The following CDH6 variants were observed in gnomAD, a reference collection of about 807,000 sequenced individuals.
CDH6 encodes cadherin-6.
A neutral mutation model predicts 78.0 loss-of-function variants in CDH6; 31 were observed. The ratio of observed to expected loss-of-function variants is 0.40; its 90% CI spans 0.30 to 0.54. CDH6 has a LOEUF of 0.54. CDH6 is among the 20% of genes least tolerant of loss of function. The pLI is 0.56. For synonymous variants in CDH6, 376 were observed against 368.8 expected (o/e 1.02, Z -0.23); for missense variants, 724 against 975.9 (o/e 0.74, Z 3.44).
intron 7 of CDH6, among the ~76,000 whole-genome samples, chr5:31,311,761 A>G (rs1036693938): frequency 3.3e-5 from 5 of 152,192 alleles, no homozygotes; most frequent in African/African-American, 1.2e-4. Flanking sequence ...GAATTCACTC[A>G]CTATCACAAG....
At chr5:31,226,172 C>T (rs73089327) in intron 1 of CDH6, among the ~76,000 whole-genome samples, 104 of 152,064 alleles carry the variant, frequency 6.8e-4, no homozygotes, top group African/African-American at 2.4e-3. Flanking sequence ...ACACAGAGTA[C>T]GTATGTATGT....
At chr5:31,306,496 A>G (rs1561068275) in intron 7 of CDH6, among the ~76,000 whole-genome samples, 1 of 152,168 alleles carries the variant, frequency 6.6e-6, no homozygotes, top group Non-Finnish European at 1.5e-5. Context: ...CTAGCTGGGC[A>G]CGGTGGCTCA....
intron 2 of CDH6, among the ~76,000 whole-genome samples, chr5:31,284,532 C>A (rs1241865718): frequency 2.0e-5 from 3 of 152,208 alleles, no homozygotes; most frequent in South Asian, 2.1e-4. Context: ...TTCCCATGAG[C>A]CTTCCTGGGC....
intron 1 of CDH6, among the ~76,000 whole-genome samples, chr5:31,232,950 A>G (rs2040788783): frequency 1.3e-5 from 2 of 152,192 alleles, no homozygotes; most frequent in South Asian, 4.1e-4. Flanking sequence ...TGAGTCACAG[A>G]GAAGTTAAAT....
intron 5 of CDH6, 70 bp from the exon 6 acceptor site, chr5:31,302,041 G>A (rs544152498): frequency 3.0e-6 from 3 of 1,016,174 alleles, no homozygotes; most frequent in Middle Eastern, 2.2e-4. Context: ...TTAGAGAATA[G>A]GTTTTGTTTT....
chr5:31,237,451 A>G (rs1025124678), intron 1 of CDH6, among the ~76,000 whole-genome samples: 7 of 152,162 alleles, frequency 4.6e-5, no homozygotes, highest in African/African-American at 1.4e-4. Flanking sequence ...TGTTGCTCAC[A>G]TCAGGGTCAA....
At chr5:31,268,691 A>G (rs1289794259) in intron 2 of CDH6, among the ~76,000 whole-genome samples, 1 of 152,234 alleles carries the variant, frequency 6.6e-6, no homozygotes, top group Non-Finnish European at 1.5e-5. Context: ...CTATGATTTT[A>G]AGACATCTAT....
In CDH6 at chr5:31,323,137, C is replaced by T. The variant is rs771630423; in HGVS notation, c.2202C>T (p.Ser734=). Residue 734 remains serine (S), a synonymous_variant, in exon 12 of 12, where the codon TCC becomes TCT. Coordinates refer to ENST00000265071, the MANE Select transcript of CDH6 (RefSeq NM_004932.4). ...ACCCCACTGCCCCGCCATACGACTC[C>T]TTGGCCACTTACGCCTATGAAGGCA... ...DTDPTAPPYD[S]LATYAYEGTG... The T allele has an allele frequency of 3.1e-6, 5 of 1,614,212 alleles. No individual in the cohort carries two copies. The highest frequency in any genetic ancestry group is 1.6e-4 in the Middle Eastern group (1 of 6,062).
At chr5:31,263,441 CTTTTTT>C (rs35835971) in intron 1 of CDH6, among the ~76,000 whole-genome samples, 3 of 103,684 alleles carry the variant, frequency 2.9e-5, no homozygotes, top group African/African-American at 3.7e-5. Context: ...TTTTTGGGGT[CTTTTTT>C]TTTTTTTTTT....
intron 2 of CDH6, among the ~76,000 whole-genome samples, chr5:31,274,003 G>C (rs1742610349): frequency 6.6e-6 from 1 of 152,098 alleles, no homozygotes; most frequent in African/African-American, 2.4e-5. Flanking sequence ...CCCTGAATCA[G>C]GGCAAGTGCC....
rs764989718 is a variant in CDH6, at chr5:31,299,957, A to C, written c.811+326A>C. ...ATACAAGCATGCTGCAATTTGTTGG[A>C]AAAAATTTGACTTTATGTTTTGTGA... On this transcript the variant is annotated intron_variant, in intron 5 of 11. Transcript: ENST00000265071. 3.5e-4 allele frequency among the ~76,000 whole-genome samples: 53 copies of C among 152,378 alleles called. 1 individual carries two copies. Among genetic ancestry groups the C allele is most frequent in the Middle Eastern group, 3.4e-3 (1 of 294 alleles).
At chr5:31,235,851 T>C (rs1240980796) in intron 1 of CDH6, among the ~76,000 whole-genome samples, 3 of 152,200 alleles carry the variant, frequency 2.0e-5, no homozygotes, top group African/African-American at 7.2e-5. Context: ...TATTATAAAA[T>C]AATTGTTTTA....
In CDH6 at chr5:31,294,612, A is replaced by T. The variant is rs1010968467; in HGVS notation, c.523+356A>T. ...CTATGTGGGTGTTAGGGTCCAAGTA[A>T]CAATCTCCCAAATAGAAAATAAAAG... is the stretch of plus-strand genomic sequence containing the variant. On this transcript the variant is annotated intron_variant, in intron 3 of 11. Transcript: ENST00000265071. This position sits in a 1 kb window ranked among gnomAD's most constrained non-coding sequence, Gnocchi z 4.1. Among the ~76,000 whole-genome samples the T allele has an allele frequency of 6.6e-6, 1 of 152,174 alleles. No individual in the cohort carries two copies. Among genetic ancestry groups the T allele is most frequent in the African/African-American group, 2.4e-5 (1 of 41,434 alleles).
intron 1 of CDH6, among the ~76,000 whole-genome samples, chr5:31,259,327 A>G (rs575278807): frequency 6.6e-6 from 1 of 152,190 alleles, no homozygotes; most frequent in Non-Finnish European, 1.5e-5. Context: ...TGCTTTTGCA[A>G]TTTAATCAAG....
chr5:31,223,374 A>T (rs2111835684), intron 1 of CDH6, among the ~76,000 whole-genome samples: 1 of 152,312 alleles, frequency 6.6e-6, no homozygotes, highest in South Asian at 2.1e-4. Flanking sequence ...AAAATTAATT[A>T]CTTTGCTGCT....
intron 2 of CDH6, among the ~76,000 whole-genome samples, chr5:31,287,754 C>A (rs1331468341): frequency 6.6e-6 from 1 of 152,192 alleles, no homozygotes; most frequent in Non-Finnish European, 1.5e-5. Flanking sequence ...TGGTGGGCAT[C>A]CCCTGAGTTT....
chr5:31,281,241 T>C (rs1294746998), intron 2 of CDH6, among the ~76,000 whole-genome samples: 2 of 151,698 alleles, frequency 1.3e-5, no homozygotes, highest in South Asian at 4.2e-4. Context: ...AATTATCATA[T>C]CTCAAATGCC....
intron 1 of CDH6, among the ~76,000 whole-genome samples, chr5:31,215,547 C>T (rs192486838): frequency 4.2e-4 from 64 of 152,120 alleles, no homozygotes; most frequent in African/African-American, 1.4e-3. Flanking sequence ...TTATTTATTC[C>T]AAAATGATGA....
At chr5:31,306,424 T>C (rs976339822) in intron 7 of CDH6, among the ~76,000 whole-genome samples, 1 of 152,092 alleles carries the variant, frequency 6.6e-6, no homozygotes, top group Non-Finnish European at 1.5e-5. Context: ...AACAGGAAAA[T>C]GCTGGAGTCA....
Sources: allele counts gnomAD v4.1 joint callset (sites outside exome capture counted in the v4.1 genomes callset), GRCh38; gene constraint gnomAD v4.1.1; non-coding constraint Gnocchi (gnomAD v3.1); transcripts MANE v1.5; gene names NCBI Gene and HGNC (gene_info 2026-07-23, HGNC 2026-07-21).